The following ZNF100 variants were observed in gnomAD, a reference collection of about 807,000 sequenced individuals.
The protein encoded by ZNF100 is zinc finger protein 100, also known as zinc finger protein 100 (Y1).
ZNF100 carries 12 observed loss-of-function variants against 15.8 expected under a neutral mutation model. The observed-to-expected ratio is 0.76, with a 90% CI of 0.49 to 1.23. The LOEUF is 1.23. Ranked by LOEUF, ZNF100 falls within the 50% of genes most tolerant of loss-of-function variation. ZNF100 has a pLI of 0.00. For missense variants in ZNF100, 670 were observed against 635.6 expected (o/e 1.05, Z -0.58); for synonymous variants, 226 against 214.8 (o/e 1.05, Z -0.45).
At chr19:21,760,231 GTTATTAA>G (rs1285212412) in intron 2 of ZNF100, among the ~76,000 whole-genome samples, 9 of 150,742 alleles carry the variant, frequency 6.0e-5, no homozygotes, top group Non-Finnish European at 1.3e-4. Flanking sequence ...CTAAGTGTAT[GTTATTAA>G]TAATTACACT....
At chr19:21,760,754 G>GT (rs59317162) in intron 2 of ZNF100, among the ~76,000 whole-genome samples, 3,563 of 102,054 alleles carry the variant, frequency 0.035, 218 homozygotes, top group South Asian at 0.1. Flanking sequence ...GAACTTTCTT[G>GT]TTTTTTTTTT....
At position 21,726,742 on chromosome 19, in the gene ZNF100, G is replaced by C. The variant is rs779662600; in HGVS notation, c.1570C>G (p.Gln524Glu). The change falls in exon 5 of 5, where the codon CAG (glutamine) becomes GAG (glutamate). Residue 524 changes from glutamine to glutamate, a missense_variant. Physicochemically the swap from Gln to Glu is conservative, Grantham distance 29 (BLOSUM62 2). Transcript: ENST00000358296. The stretch of plus-strand genomic sequence containing the variant: ...TTTTGTTTAATAAGGCTTAGGGACT[G>C]GTTAAAGTCTTTACCACATTCTTCC... ...KWEECGKDFN[Q>E]SLSLIKQNNS... is the part of the protein sequence containing the mutation. 1.9e-6 allele frequency: 3 copies of C among 1,612,052 alleles called. No homozygotes were observed. Among genetic ancestry groups the C allele is most frequent in the Non-Finnish European group, 2.5e-6 (3 of 1,179,286 alleles).
At chr19:21,761,495 T>C (rs2036482747) in intron 2 of ZNF100, among the ~76,000 whole-genome samples, 1 of 152,116 alleles carries the variant, frequency 6.6e-6, no homozygotes, top group South Asian at 2.1e-4. Flanking sequence ...TATTATACCT[T>C]GTCTACACAG....
At chr19:21,749,584 T>C (rs2036268838) in intron 2 of ZNF100, among the ~76,000 whole-genome samples, 1 of 152,232 alleles carries the variant, frequency 6.6e-6, no homozygotes, top group South Asian at 2.1e-4. Flanking sequence ...ACAAGAATAC[T>C]CTACTCCAGT....
intron 2 of ZNF100, chr19:21,750,959 G>C: frequency 1.1e-6 from 1 of 902,378 alleles, no homozygotes. Context: ...GGCACCCGGG[G>C]ATGCGGTGGC....
At chr19:21,766,447 T>C (rs1305159999) in intron 1 of ZNF100, among the ~76,000 whole-genome samples, 12 of 147,112 alleles carry the variant, frequency 8.2e-5, no homozygotes, top group South Asian at 4.2e-4. Flanking sequence ...TCAGGTGCAT[T>C]TTTTTTTTAA....
intron 2 of ZNF100, among the ~76,000 whole-genome samples, chr19:21,754,591 A>G (rs2036363017): frequency 6.6e-6 from 1 of 152,188 alleles, no homozygotes; most frequent in Non-Finnish European, 1.5e-5. Context: ...CATATGCAGA[A>G]AACTGAAACT....
chr19:21,757,042 T>C (rs1157606475), intron 2 of ZNF100, among the ~76,000 whole-genome samples: 2 of 152,230 alleles, frequency 1.3e-5, no homozygotes, highest in African/African-American at 2.4e-5. Flanking sequence ...GGCTCACACC[T>C]GTAATTCCAG....
In ZNF100 at chr19:21,727,434, T is replaced by C; in HGVS notation, c.878A>G (p.Glu293Gly). 1 of 1,613,114 alleles carries C rather than the reference T, an allele frequency of 6.2e-7. No individual in the cohort carries two copies. Among genetic ancestry groups the C allele is most frequent in the Non-Finnish European group, 8.5e-7 (1 of 1,179,718 alleles). The change falls in exon 5 of 5, where the codon GAA becomes GGA. Residue 293 changes from glutamate to glycine, a missense_variant. Transcript: ENST00000358296. ...HTGEKPYRCE[E>G]CGKAFNRSSH... ...AGACCGGTTAAAAGCTTTCCCACAT[T>C]CTTCACATCTGTATGGTTTCTCTCC...
In ZNF100 at chr19:21,739,753, C is replaced by T. The variant is rs142323877; in HGVS notation, c.322+4264G>A. On this transcript the variant is annotated intron_variant, in intron 4 of 4. Transcript: ENST00000358296. ...ATTTTGGGAGGCTGAGGCAAGAGACCTGCTTGAGCACAGGTGTTGGAAACT... is the reference window on the plus strand; with the variant it reads ...ATTTTGGGAGGCTGAGGCAAGAGACTTGCTTGAGCACAGGTGTTGGAAACT... 3.2e-3 allele frequency among the ~76,000 whole-genome samples: 489 copies of T among 152,244 alleles called. 3 individuals are homozygous for T. Among genetic ancestry groups the T allele is most frequent in the African/African-American group, 0.011 (470 of 41,538 alleles).
At chr19:21,757,389 G>T (rs2036408149) in intron 2 of ZNF100, among the ~76,000 whole-genome samples, 1 of 152,210 alleles carries the variant, frequency 6.6e-6, no homozygotes, top group South Asian at 2.1e-4. Context: ...ACTGAGCCAA[G>T]ATATGCCACT....
At chr19:21,742,376 CTTT>C (rs59997375) in intron 4 of ZNF100, among the ~76,000 whole-genome samples, 37 of 86,134 alleles carry the variant, frequency 4.3e-4, no homozygotes, top group African/African-American at 1.3e-3. Context: ...TTTTCTTTTT[CTTT>C]TTTTTTTTTT....
chr19:21,726,920 T>C lies in ZNF100; in HGVS notation c.1392A>G (p.Lys464=), dbSNP rs1278974743. The change falls in exon 5 of 5, where the codon AAA becomes AAG. Residue 464 remains lysine, a synonymous_variant. Transcript: ENST00000358296. ...EKPYKCDECG[K]AFNRSSQLTA... ...TTAGTTGTGAGGACCGGTTAAAGGC[T>C]TTGCCACATTCGTCACATTTGTAGG... The C allele has an allele frequency of 6.2e-7, 1 of 1,611,272 alleles. No individual in the cohort carries two copies.
Position 21,726,602 on chromosome 19 carries a change from C to A in ZNF100, c.*81G>T. 1 of 1,248,010 alleles carries A rather than the reference C, an allele frequency of 8.0e-7. No individual in the cohort carries two copies. The highest frequency in any genetic ancestry group is 1.1e-6 in the Non-Finnish European group (1 of 894,266). 77.3% of individuals were successfully genotyped at this position (1,248,010 alleles called of 1,614,324 possible). On this transcript the variant is annotated 3_prime_UTR_variant, in exon 5 of 5. Transcript: ENST00000358296. ...ATTAAAGGCTTTGCCATATTCTTCA[C>A]AGTCACAGGAGTTCCCTCCAGTATG... is the stretch of plus-strand genomic sequence containing the variant.
chr19:21,737,486 G>C (rs377733770), intron 4 of ZNF100, among the ~76,000 whole-genome samples: 1 of 150,622 alleles, frequency 6.6e-6, no homozygotes, highest in Non-Finnish European at 1.5e-5. Context: ...AGTGAACCGA[G>C]ATTGCACCAT....
intron 4 of ZNF100, among the ~76,000 whole-genome samples, chr19:21,739,308 C>T (rs1433343361): frequency 6.6e-6 from 1 of 152,168 alleles, no homozygotes; most frequent in African/African-American, 2.4e-5. Context: ...ATAATTTCAA[C>T]AATTTGGAAG....
In ZNF100 at chr19:21,751,759, G is replaced by A. The variant is rs1256592774; in HGVS notation, c.97-6692C>T. On this transcript the variant is annotated intron_variant, in intron 2 of 4. Coordinates refer to ENST00000358296, the MANE Select transcript of ZNF100 (RefSeq NM_173531.4). ...ATCGCTCCTTAGCAGATGACCACCT[G>A]AATTTTCTATTTGCTCCTCTTAGCA... The A allele has an allele frequency of 3.9e-6, 5 of 1,269,940 alleles. No homozygotes were observed. In the African/African-American group the frequency reaches 7.5e-5, roughly 19 times the overall value. The allele number at this position is 1,269,940 out of a possible 1,614,324, so 78.7% of individuals were successfully genotyped here.
rs2145683816 is a variant in ZNF100 at position 21,728,182 on chromosome 19, T to G, written c.323-193A>C. On this transcript the variant is annotated intron_variant, in intron 4 of 4. Coordinates refer to ENST00000358296, the MANE Select transcript of ZNF100 (RefSeq NM_173531.4). Reference sequence around the variant, plus strand: ...CATCTGAAAAAAATTATAAATGAGTTAAGTGTGTGAAGTGCCCCTGGTGAG... The same window carrying G: ...CATCTGAAAAAAATTATAAATGAGTGAAGTGTGTGAAGTGCCCCTGGTGAG... 2.0e-5 allele frequency among the ~76,000 whole-genome samples: 3 copies of G among 150,748 alleles called. 1 individual carries two copies. The Middle Eastern group carries it at 0.01, about 527-fold the overall frequency.
In ZNF100 at chr19:21,723,420, G is replaced by A. The variant is rs959127035; in HGVS notation, c.*3263C>T. On this transcript the variant is annotated 3_prime_UTR_variant, in exon 5 of 5. Transcript: ENST00000358296. ...CTCGTCAAAATTTACAAAGTACCAT[G>A]TGAAATGAAATGGCATTAAGACAAC... is the stretch of plus-strand genomic sequence containing the variant. 1.0e-4 allele frequency: 15 copies of A among 149,394 alleles called. No homozygotes were observed. Among genetic ancestry groups the A allele is most frequent in the African/African-American group, 3.4e-4 (14 of 40,616 alleles). The allele number at this position is 149,394 out of a possible 1,614,324, so 9.3% of individuals were successfully genotyped here.
Sources: allele counts gnomAD v4.1 joint callset (sites outside exome capture counted in the v4.1 genomes callset), GRCh38; gene constraint gnomAD v4.1.1; transcripts MANE v1.5; gene names NCBI Gene and HGNC (gene_info 2026-07-23, HGNC 2026-07-21).